Variants in GLUD1 observed in about 807,000 individuals in gnomAD.
The protein encoded by GLUD1 is glutamate dehydrogenase 1, also known as glutamate dehydrogenase 1, mitochondrial.
In GLUD1, 22 loss-of-function variants were observed where a neutral mutation model predicts 56.0. That is an observed-to-expected ratio of 0.39 (90% confidence interval 0.28 to 0.56). The LOEUF is 0.56. Among genes scored for constraint, GLUD1 ranks in the 20% least tolerant of loss-of-function variants. The probability of loss-of-function intolerance (pLI) is 0.58; values close to 1 mark genes in which losing one functional copy is unlikely to be tolerated. For missense variants in GLUD1, 451 were observed against 732.0 expected (o/e 0.62, Z 4.43); for synonymous variants, 223 against 269.9 (o/e 0.83, Z 1.70).
At chr10:87,093,869 A>G (rs2133871004) in intron 1 of GLUD1, 2 of 1,212,268 alleles carry the variant, frequency 1.6e-6, no homozygotes, top group East Asian at 5.5e-5. Context: ...ATCTGTCACT[A>G]TTGGAACAGG....
At chr10:87,074,502 AT>A in intron 4 of GLUD1, 48 bp downstream of exon 4, 27 of 1,064,874 alleles carry the variant, frequency 2.5e-5, no homozygotes, top group Admixed American at 3.5e-5. Flanking sequence ...AAAAAAAAAA[AT>A]TTTTAGATGT....
chr10:87,090,800 A>T (rs1841493732), intron 1 of GLUD1, among the ~76,000 whole-genome samples: 1 of 152,242 alleles, frequency 6.6e-6, no homozygotes, highest in Non-Finnish European at 1.5e-5. Context: ...TGAGTTTATT[A>T]AAAGTTACCT....
At chr10:87,062,633 A>C (rs751589929) in intron 6 of GLUD1, 23 bp downstream of exon 6, 36 of 1,586,194 alleles carry the variant, frequency 2.3e-5, no homozygotes, top group Non-Finnish European at 3.0e-5. Context: ...TATTAAGGAA[A>C]CTTTTTTTGT....
At chr10:87,075,211 T>A (rs1846353413) in intron 3 of GLUD1, among the ~76,000 whole-genome samples, 2 of 152,170 alleles carry the variant, frequency 1.3e-5, no homozygotes, top group Admixed American at 1.3e-4. Flanking sequence ...GCAATTCTCA[T>A]GCCTGAGCCT....
chr10:87,093,255 C>T (rs1339397479), intron 1 of GLUD1, among the ~76,000 whole-genome samples: 1 of 152,224 alleles, frequency 6.6e-6, no homozygotes, highest in Non-Finnish European at 1.5e-5. Context: ...GCCCAACATC[C>T]TCTGTGCTTC....
At chr10:87,063,131 T>C (rs1033286799) in intron 5 of GLUD1, among the ~76,000 whole-genome samples, 6 of 151,826 alleles carry the variant, frequency 4.0e-5, no homozygotes, top group African/African-American at 1.5e-4. Context: ...TGGAGTGCAA[T>C]GGTGAGATCT....
At chr10:87,056,142 CAA>C (rs1212555487) in intron 11 of GLUD1, among the ~76,000 whole-genome samples, 1 of 132,308 alleles carries the variant, frequency 7.6e-6, no homozygotes, top group African/African-American at 2.9e-5. Flanking sequence ...AAAAAAAAAC[CAA>C]AAAAAAAGAA....
chr10:87,068,001 C>A, intron 5 of GLUD1, 62 bp downstream of exon 5: 1 of 963,854 alleles, frequency 1.0e-6, no homozygotes, highest in South Asian at 1.3e-5. Context: ...TATAATCAGT[C>A]AAACTGTTAA....
chr10:87,090,910 G>A (rs908449587), intron 1 of GLUD1, among the ~76,000 whole-genome samples: 3 of 152,136 alleles, frequency 2.0e-5, no homozygotes, highest in Admixed American at 1.3e-4. Context: ...CAGTATCAGT[G>A]CTTTCTATAG....
chr10:87,070,973 C>CA (rs1332161158), intron 4 of GLUD1, among the ~76,000 whole-genome samples: 1 of 151,128 alleles, frequency 6.6e-6, no homozygotes, highest in Non-Finnish European at 1.5e-5. Flanking sequence ...ACTAAAAATA[C>CA]AAAAAATTAG....
At chr10:87,057,625 C>T (rs2133788643) in intron 11 of GLUD1, 66 bp downstream of exon 11, 1 of 859,602 alleles carries the variant, frequency 1.2e-6, no homozygotes, top group South Asian at 1.3e-5. Context: ...TCCATCTAAC[C>T]AGCTCTGTCT....
chr10:87,083,420 CAA>C (rs1175689483), intron 1 of GLUD1, among the ~76,000 whole-genome samples: 6 of 151,930 alleles, frequency 3.9e-5, no homozygotes, highest in African/African-American at 1.5e-4. Context: ...TGAAGTTGTT[CAA>C]AAAAGTCAAA....
rs753723749 is a variant in GLUD1 at position 87,076,657 on chromosome 10, C to CTGGTGG, written c.446-7_446-2dup. The CTGGTGG allele has an allele frequency of 8.6e-5, 137 of 1,589,438 alleles. No individual in the cohort carries two copies. In the East Asian group the frequency reaches 3.0e-3, roughly 35 times the overall value. On this transcript the variant is annotated splice_acceptor_variant, in intron 1 of 12. Coordinates refer to ENST00000277865, the MANE Select transcript of GLUD1 (RefSeq NM_005271.5). LOFTEE classifies it high-confidence loss of function. Reference sequence around the variant, plus strand: ...CTCACATCAGTGCTGTAACGGATACCTGGTGGTGTTTTTAAAAAAATGTGT... The same window carrying CTGGTGG: ...CTCACATCAGTGCTGTAACGGATACCTGGTGGTGGTGGTGTTTTTAAAAAAATGTGT...
At chr10:87,086,740 A>G (rs1242121664) in intron 1 of GLUD1, among the ~76,000 whole-genome samples, 1 of 150,922 alleles carries the variant, frequency 6.6e-6, no homozygotes, top group East Asian at 2.0e-4. Context: ...CTGAGGCAGG[A>G]GAATGGCATC....
chr10:87,073,600 A>G (rs1462279616), intron 4 of GLUD1, among the ~76,000 whole-genome samples: 3 of 150,862 alleles, frequency 2.0e-5, no homozygotes, highest in Non-Finnish European at 4.4e-5. Flanking sequence ...ATTAAGTAAC[A>G]ATTAACATTC....
chr10:87,066,905 C>T (rs966065961), intron 5 of GLUD1, among the ~76,000 whole-genome samples: 1 of 152,200 alleles, frequency 6.6e-6, no homozygotes, highest in African/African-American at 2.4e-5. Flanking sequence ...TGTGGTACTA[C>T]CTCTGCTCAG....
At chr10:87,076,679 G>T (rs1164833446) in intron 1 of GLUD1, 23 bp from the exon 2 acceptor site, 3 of 1,378,628 alleles carry the variant, frequency 2.2e-6, no homozygotes, top group Non-Finnish European at 3.1e-6. Context: ...TTAAAAAAAT[G>T]TGTTGGGGTG....
intron 3 of GLUD1, 56 bp from the exon 4 acceptor site, chr10:87,074,670 A>C (rs1225137455): frequency 5.4e-6 from 5 of 933,984 alleles, no homozygotes; most frequent in Non-Finnish European, 8.9e-6. Context: ...ATCGCTTGAG[A>C]TTATAGCTAG....
At chr10:87,074,839 T>A (rs1846342304) in intron 3 of GLUD1, among the ~76,000 whole-genome samples, 1 of 152,112 alleles carries the variant, frequency 6.6e-6, no homozygotes, top group Non-Finnish European at 1.5e-5. Flanking sequence ...CAAATTCCCA[T>A]TCTATTAATT....
Sources: allele counts gnomAD v4.1 joint callset (sites outside exome capture counted in the v4.1 genomes callset), GRCh38; gene constraint gnomAD v4.1.1; transcripts MANE v1.5; gene names NCBI Gene and HGNC (gene_info 2026-07-23, HGNC 2026-07-21).